HTR1F: variants seen among roughly 807,000 people sequenced by gnomAD.
HTR1F encodes the protein 5-hydroxytryptamine receptor 1F, also known as 5-hydroxytryptamine (serotonin) receptor 1F, G protein-coupled.
Under a neutral mutation model 24.0 loss-of-function variants are expected in HTR1F, and 17 were observed. The observed-to-expected ratio is 0.71, with a 90% confidence interval of 0.48 to 1.06. The LOEUF (loss-of-function observed/expected upper bound fraction) is 1.06, where lower values mean the gene tolerates loss of function less well. HTR1F is among the 50% of genes least tolerant of loss of function. The pLI, the probability that HTR1F is intolerant of heterozygous loss-of-function variation, is 0.00. For synonymous variants in HTR1F, 186 were observed against 156.8 expected (o/e 1.19, Z -1.39); for missense variants, 391 against 427.8 (o/e 0.91, Z 0.76).
chr3:87,933,195 G>A (rs1389599457), intron 2 of HTR1F, among the ~76,000 whole-genome samples: 1 of 152,022 alleles, frequency 6.6e-6, no homozygotes, highest in South Asian at 2.1e-4. Flanking sequence ...GTATTGATTG[G>A]ATGTATCTCA....
At chr3:87,800,159 G>T (rs1423625762) in intron 1 of HTR1F, among the ~76,000 whole-genome samples, 3 of 152,026 alleles carry the variant, frequency 2.0e-5, no homozygotes, top group African/African-American at 7.3e-5. Context: ...ATTAACTTTA[G>T]GTATTAGTTC....
intron 2 of HTR1F, among the ~76,000 whole-genome samples, chr3:87,878,595 T>C (rs1396524124): frequency 6.6e-6 from 1 of 152,084 alleles, no homozygotes; most frequent in East Asian, 1.9e-4. Context: ...TTAGGAGGCA[T>C]TGTGCTCTCA....
intron 2 of HTR1F, among the ~76,000 whole-genome samples, chr3:87,843,490 C>A (rs998913336): frequency 6.6e-6 from 1 of 150,398 alleles, no homozygotes; most frequent in Non-Finnish European, 1.5e-5. Context: ...ACTGGCCCTT[C>A]ACCATCCTGA....
intron 2 of HTR1F, among the ~76,000 whole-genome samples, chr3:87,839,984 C>T (rs889193703): frequency 6.6e-5 from 10 of 152,116 alleles, no homozygotes; most frequent in Admixed American, 4.6e-4. Flanking sequence ...ATATCTACCA[C>T]GTTTTCTTTA....
intron 2 of HTR1F, among the ~76,000 whole-genome samples, chr3:87,828,440 A>T (rs1704508748): frequency 6.6e-6 from 1 of 152,224 alleles, no homozygotes; most frequent in Admixed American, 6.5e-5. Flanking sequence ...GAAAATTGGG[A>T]TCTACAGATA....
At position 87,928,047 on chromosome 3, in the gene HTR1F, C is replaced by CT. The variant is rs5850817; in HGVS notation, c.-42-62645dup. Among the ~76,000 whole-genome samples the CT allele has an allele frequency of 5.9e-3, 770 of 131,368 alleles. 3 individuals are homozygous for CT. The highest frequency in any genetic ancestry group is 0.016 in the East Asian group (75 of 4,674). 86.2% of individuals were successfully genotyped at this position (131,368 alleles called of 152,430 possible). On this transcript the variant is annotated intron_variant, in intron 2 of 2. Coordinates refer to ENST00000319595, the MANE Select transcript of HTR1F (RefSeq NM_001322209.2). ...TAATATCAATAGTTCAATATCTTTG[C>CT]TTTTTTTTTTTTTTTTGAGACAGAG...
chr3:87,814,286 T>TTATTAA (rs753973996), intron 1 of HTR1F, among the ~76,000 whole-genome samples: 14 of 152,176 alleles, frequency 9.2e-5, no homozygotes, highest in Non-Finnish European at 1.3e-4. Context: ...TGGACAAAAA[T>TTATTAA]TGTATATATA....
chr3:87,953,241 A>G (rs1291767307), intron 2 of HTR1F, among the ~76,000 whole-genome samples: 1 of 151,736 alleles, frequency 6.6e-6, no homozygotes, highest in Non-Finnish European at 1.5e-5. Flanking sequence ...CACAGCAAAG[A>G]AAACAATCAC....
chr3:87,867,357 GTC>G (rs61549461), intron 2 of HTR1F, among the ~76,000 whole-genome samples: 5 of 149,090 alleles, frequency 3.4e-5, no homozygotes, highest in South Asian at 4.3e-4. Context: ...TTCTCTTTTT[GTC>G]TCTCTCTCTC....
intron 2 of HTR1F, among the ~76,000 whole-genome samples, chr3:87,973,194 C>T (rs1181469236): frequency 2.6e-5 from 4 of 151,846 alleles, no homozygotes; most frequent in Admixed American, 6.6e-5. Flanking sequence ...TAATAATAAT[C>T]CCTATCATGG....
chr3:87,851,851 G>T (rs1270422073), intron 2 of HTR1F, among the ~76,000 whole-genome samples: 1 of 150,798 alleles, frequency 6.6e-6, no homozygotes, highest in African/African-American at 2.4e-5. Flanking sequence ...TCTTATATAT[G>T]ATGTTACATT....
chr3:87,845,532 T>A (rs985181356), intron 2 of HTR1F, among the ~76,000 whole-genome samples: 1 of 149,872 alleles, frequency 6.7e-6, no homozygotes. Context: ...ACAAGGGATG[T>A]GAAGGACCTC....
intron 2 of HTR1F, among the ~76,000 whole-genome samples, chr3:87,860,922 T>C (rs1705304965): frequency 6.6e-6 from 1 of 152,064 alleles, no homozygotes; most frequent in South Asian, 2.1e-4. Flanking sequence ...CCTTGGGAAA[T>C]GAGGCGGGCA....
At chr3:87,882,559 G>A (rs1388332175) in intron 2 of HTR1F, among the ~76,000 whole-genome samples, 2 of 152,024 alleles carry the variant, frequency 1.3e-5, no homozygotes, top group Non-Finnish European at 2.9e-5. Context: ...CCTTTGTAGG[G>A]ACATGGATGA....
intron 2 of HTR1F, among the ~76,000 whole-genome samples, chr3:87,871,835 C>T (rs1705565150): frequency 6.6e-6 from 1 of 151,976 alleles, no homozygotes; most frequent in South Asian, 2.1e-4. Flanking sequence ...ACCTCGCTTA[C>T]AACAATAGGT....
chr3:87,861,585 A>G (rs751050161), intron 2 of HTR1F, among the ~76,000 whole-genome samples: 1 of 152,176 alleles, frequency 6.6e-6, no homozygotes, highest in Non-Finnish European at 1.5e-5. Flanking sequence ...ATAGAGTAGC[A>G]ATATTTAACA....
intron 2 of HTR1F, among the ~76,000 whole-genome samples, chr3:87,942,655 A>G (rs1576068186): frequency 2.6e-5 from 4 of 152,034 alleles, no homozygotes; most frequent in Admixed American, 2.6e-4. Context: ...AGCAAGCCCT[A>G]TTAGGCATTC....
chr3:87,930,593 G>C lies in HTR1F; in HGVS notation c.-42-60115G>C, dbSNP rs550336886. Among the ~76,000 whole-genome samples, 60 of 152,230 alleles carry C rather than the reference G, an allele frequency of 3.9e-4. No individual in the cohort carries two copies. In the South Asian group the frequency reaches 0.011, roughly 28 times the overall value. ...GTGTATGTGATGAATCATATTTATT[G>C]ATTTGTGTATGTTGTACCAACTTTG... is the stretch of plus-strand genomic sequence containing the variant. On this transcript the variant is annotated intron_variant, in intron 2 of 2. Transcript: ENST00000319595.
chr3:87,839,166 T>G (rs1704747632), intron 2 of HTR1F, among the ~76,000 whole-genome samples: 1 of 152,010 alleles, frequency 6.6e-6, no homozygotes, highest in Non-Finnish European at 1.5e-5. Context: ...CTTTTCTGTA[T>G]GTTTTTTATG....
Sources: gnomAD v4.1 joint callset for allele counts (sites outside exome capture counted in the v4.1 genomes callset) on GRCh38, gnomAD v4.1.1 for gene constraint, MANE v1.5 for transcripts, NCBI Gene and HGNC (gene_info 2026-07-23, HGNC 2026-07-21) for gene names.